The following PKHD1 variants were observed in gnomAD, a reference collection of about 807,000 sequenced individuals.
PKHD1 encodes PKHD1 ciliary IPT domain containing fibrocystin/polyductin, also known as fibrocystin.
Under a neutral mutation model 412.0 loss-of-function variants are expected in PKHD1, and 291 were observed. The observed-to-expected ratio is 0.71, with a 90% CI of 0.64 to 0.78. PKHD1 has a LOEUF of 0.78. Ranked by LOEUF, PKHD1 falls within the 30% of genes least tolerant of loss-of-function variation. The pLI, the probability that PKHD1 is intolerant of heterozygous loss-of-function variation, is 0.00. For missense variants in PKHD1, 4,825 were observed against 4,950.7 expected, an observed-to-expected ratio of 0.97 and a Z score of 0.76; for synonymous variants, 1,777 against 1,821.5, an observed-to-expected ratio of 0.98 and a Z score of 0.62.
chr6:51,888,033 T>C (rs574503188), intron 43 of PKHD1, among the ~76,000 whole-genome samples: 5 of 152,324 alleles, frequency 3.3e-5, no homozygotes, highest in African/African-American at 1.2e-4. Context: ...AAGGTGTACC[T>C]TGAAGTCAAG....
At chr6:51,839,839 C>T (rs1449726324) in intron 50 of PKHD1, among the ~76,000 whole-genome samples, 1 of 151,816 alleles carries the variant, frequency 6.6e-6, no homozygotes, top group African/African-American at 2.4e-5. Context: ...ACTCAGGCCA[C>T]ATTTATCTAG....
chr6:51,812,201 C>A (rs12524218), intron 52 of PKHD1, among the ~76,000 whole-genome samples: 27,665 of 152,078 alleles, frequency 0.18, 2,587 homozygotes, highest in African/African-American at 0.22. Flanking sequence ...TCCACAGACA[C>A]CCTATTAGAG....
chr6:51,930,518 C>T (rs1026645499), intron 37 of PKHD1, among the ~76,000 whole-genome samples: 1 of 152,142 alleles, frequency 6.6e-6, no homozygotes, highest in Non-Finnish European at 1.5e-5. Flanking sequence ...GTTTGCTTAG[C>T]GATTTTAATC....
intron 50 of PKHD1, 139 bp downstream of exon 50, chr6:51,847,636 G>A: frequency 4.1e-6 from 3 of 730,026 alleles, no homozygotes; most frequent in Non-Finnish European, 7.3e-6. Context: ...TCAGACTTCA[G>A]GGAACATTCA....
chr6:51,676,154 T>A (rs1284969070), intron 60 of PKHD1, among the ~76,000 whole-genome samples: 1 of 151,016 alleles, frequency 6.6e-6, no homozygotes, highest in Non-Finnish European at 1.5e-5. Context: ...TTGTCCTTCC[T>A]GTCGTGAAAT....
intron 60 of PKHD1, among the ~76,000 whole-genome samples, chr6:51,737,522 T>A (rs1199411085): frequency 6.6e-6 from 1 of 152,234 alleles, no homozygotes; most frequent in Admixed American, 6.5e-5. Flanking sequence ...AGTGTGTTCA[T>A]AAGCAAGTAT....
In PKHD1 at chr6:52,062,635, A is replaced by G. The variant is rs1284626970; in HGVS notation, c.1002T>C (p.Val334=). The G allele has an allele frequency of 1.9e-6, 3 of 1,614,038 alleles. No individual in the cohort carries two copies. The highest frequency in any genetic ancestry group is 4.5e-5 in the East Asian group (2 of 44,892). ...QPGNRGLLFE[V]GDAVEGLELT... The stretch of plus-strand genomic sequence containing the variant: ...GTTCCAGTCCCTCAACAGCATCTCC[A>G]ACTTCAAAAAGAAGCCCTCGATTGC... The change falls in exon 14 of 67, where the codon GTT becomes GTC. Residue 334 remains valine (V), a synonymous_variant. Coordinates refer to ENST00000371117, the MANE Select transcript of PKHD1 (RefSeq NM_138694.4).
At chr6:51,891,215 TA>T (rs1279740443) in intron 43 of PKHD1, among the ~76,000 whole-genome samples, 1 of 152,214 alleles carries the variant, frequency 6.6e-6, no homozygotes, top group Non-Finnish European at 1.5e-5. Context: ...CTAATATTTT[TA>T]TTGACTTTAA....
At chr6:51,915,294 CT>C (rs1420258090) in intron 37 of PKHD1, among the ~76,000 whole-genome samples, 2 of 152,122 alleles carry the variant, frequency 1.3e-5, no homozygotes, top group African/African-American at 4.8e-5. Flanking sequence ...TGAGAGAAGG[CT>C]CCAAGACTTG....
chr6:51,741,723 C>T (rs1393373228), intron 60 of PKHD1, among the ~76,000 whole-genome samples: 1 of 152,162 alleles, frequency 6.6e-6, no homozygotes, highest in Non-Finnish European at 1.5e-5. Flanking sequence ...AGGATACTTC[C>T]TCATTTTCCT....
intron 46 of PKHD1, among the ~76,000 whole-genome samples, chr6:51,871,152 T>C (rs1775933360): frequency 6.6e-6 from 1 of 152,182 alleles, no homozygotes; most frequent in Non-Finnish European, 1.5e-5. Context: ...CCTTATCATA[T>C]GACCTAGCAA....
intron 36 of PKHD1, among the ~76,000 whole-genome samples, chr6:51,942,099 A>T (rs1583486063): frequency 1.3e-5 from 2 of 151,674 alleles, no homozygotes; most frequent in East Asian, 3.8e-4. Flanking sequence ...AAGCCATTAT[A>T]TAAGCTCACA....
chr6:51,909,792 C>T (rs563024520), intron 39 of PKHD1, among the ~76,000 whole-genome samples: 8 of 152,218 alleles, frequency 5.3e-5, no homozygotes, highest in Non-Finnish European at 1.2e-4. Context: ...CTAAAAGATC[C>T]TCTGGAGGAA....
chr6:51,768,822 A>G (rs117144038), intron 55 of PKHD1, among the ~76,000 whole-genome samples: 1 of 151,710 alleles, frequency 6.6e-6, no homozygotes, highest in Non-Finnish European at 1.5e-5. Context: ...TATTACTTAA[A>G]CCAGTGCTTC....
intron 35 of PKHD1, among the ~76,000 whole-genome samples, chr6:51,990,643 A>G (rs78404884): frequency 0.015 from 2,216 of 152,276 alleles, 57 homozygotes; most frequent in African/African-American, 0.05. Context: ...TTCATGTAGC[A>G]TTGCTCTTAT....
At chr6:51,671,481 C>A (rs1774965180) in intron 60 of PKHD1, among the ~76,000 whole-genome samples, 1 of 152,258 alleles carries the variant, frequency 6.6e-6, no homozygotes, top group African/African-American at 2.4e-5. Context: ...AACTTCTTTG[C>A]CTTTGGTTTG....
intron 36 of PKHD1, among the ~76,000 whole-genome samples, chr6:51,940,275 C>T (rs573077281): frequency 2.0e-5 from 3 of 151,740 alleles, no homozygotes; most frequent in Non-Finnish European, 4.4e-5. Flanking sequence ...ATTAACCTTG[C>T]CTTCAAGGTG....
intron 34 of PKHD1, among the ~76,000 whole-genome samples, chr6:52,013,693 TG>T (rs1800090835): frequency 6.6e-6 from 1 of 152,126 alleles, no homozygotes; most frequent in South Asian, 2.1e-4. Flanking sequence ...ATATTTACTT[TG>T]GGGGATATGG....
intron 52 of PKHD1, among the ~76,000 whole-genome samples, chr6:51,823,093 C>CAA (rs35945486): frequency 0.011 from 1,532 of 139,560 alleles, 10 homozygotes; most frequent in African/African-American, 0.018. Context: ...GCTATAGTAG[C>CAA]AAAAAAAAAA....
Sources: allele counts gnomAD v4.1 joint callset (sites outside exome capture counted in the v4.1 genomes callset), GRCh38; gene constraint gnomAD v4.1.1; transcripts MANE v1.5; gene names NCBI Gene and HGNC (gene_info 2026-07-23, HGNC 2026-07-21).